MEGF10: variants seen among roughly 807,000 people sequenced by gnomAD.
MEGF10 encodes the protein multiple epidermal growth factor-like domains protein 10.
MEGF10 carries 86 observed loss-of-function variants against 147.5 expected under a neutral mutation model. That is an observed-to-expected ratio of 0.58 (90% CI 0.49 to 0.70). The LOEUF (loss-of-function observed/expected upper bound fraction) is 0.70, where lower values mean the gene tolerates loss of function less well. Among genes scored for constraint, MEGF10 ranks in the 30% least tolerant of loss-of-function variants. The pLI is 0.00. For synonymous variants in MEGF10, 478 were observed against 525.5 expected (o/e 0.91, Z 1.24); for missense variants, 1,329 against 1,487.3 (o/e 0.89, Z 1.75).
At chr5:127,243,759 G>A in the MEGF10 span, among the ~76,000 whole-genome samples, 1 of 152,134 alleles carries the variant, frequency 6.6e-6, no homozygotes, top group Admixed American at 6.6e-5. Flanking sequence ...TAGTAAATGA[G>A]GGGGTCACTA....
chr5:127,436,970 C>T (rs1286648773), intron 16 of MEGF10, among the ~76,000 whole-genome samples: 1 of 152,178 alleles, frequency 6.6e-6, no homozygotes, highest in Non-Finnish European at 1.5e-5. Flanking sequence ...TTTTAAAGCA[C>T]TATCTCTACG....
At chr5:127,307,124 T>G (rs764335515) in intron 1 of MEGF10, among the ~76,000 whole-genome samples, 1 of 151,856 alleles carries the variant, frequency 6.6e-6, no homozygotes, top group Non-Finnish European at 1.5e-5. Flanking sequence ...TCCCCTAGAG[T>G]TCTGTTAGAT....
intron 13 of MEGF10, among the ~76,000 whole-genome samples, 192 bp downstream of exon 13, chr5:127,422,964 G>C: frequency 6.6e-6 from 1 of 152,218 alleles, no homozygotes; most frequent in East Asian, 1.9e-4. Flanking sequence ...TGTAGGGGCA[G>C]TTCTCTTGAG....
intron 20 of MEGF10, among the ~76,000 whole-genome samples, chr5:127,447,245 G>C (rs569436305): frequency 1.3e-5 from 2 of 151,994 alleles, no homozygotes; most frequent in Admixed American, 6.6e-5. Context: ...GTGCGATCTC[G>C]GCTCACTGTA....
chr5:127,280,347 A>G, the MEGF10 span, among the ~76,000 whole-genome samples: 3 of 152,158 alleles, frequency 2.0e-5, no homozygotes, highest in African/African-American at 7.2e-5. Context: ...CAAATTCCAT[A>G]CAAGATGCAA....
rs768809701 is a variant in MEGF10, at chr5:127,449,115, T to G, written c.2873T>G (p.Leu958Arg). 27 of 1,614,044 alleles carry G rather than the reference T, an allele frequency of 1.7e-5. No homozygotes were observed. Among genetic ancestry groups the G allele is most frequent in the Non-Finnish European group, 2.1e-5 (25 of 1,180,014 alleles). The change falls in exon 22 of 25, where the codon CTG becomes CGG. Residue 958 changes from leucine (L) to arginine (R), a missense_variant. Physicochemically the swap from Leu to Arg is moderately radical, Grantham distance 102. Coordinates refer to ENST00000503335, the MANE Select transcript of MEGF10 (RefSeq NM_001256545.2). ...MTVTKSKNNQ[L>R]FVNLKNVNPG... is the part of the protein sequence containing the mutation. ...TTTTAACAGTCAAAAAACAATCAAC[T>G]GTTTGTGAATCTTAAAAATGTGAAC...
intron 1 of MEGF10, among the ~76,000 whole-genome samples, chr5:127,323,263 A>C (rs1442021023): frequency 6.6e-6 from 1 of 152,226 alleles, no homozygotes; most frequent in Non-Finnish European, 1.5e-5. Context: ...AGTGACCTAC[A>C]CACAGCACAT....
the MEGF10 span, among the ~76,000 whole-genome samples, chr5:127,246,112 C>G: frequency 6.6e-6 from 1 of 152,122 alleles, no homozygotes; most frequent in South Asian, 2.1e-4. Context: ...TGGGTATATA[C>G]TCAAAGGATT....
At chr5:127,299,498 T>G (rs1435735722) in intron 1 of MEGF10, among the ~76,000 whole-genome samples, 1 of 152,220 alleles carries the variant, frequency 6.6e-6, no homozygotes, top group African/African-American at 2.4e-5. Flanking sequence ...AAACTTCCTG[T>G]AAAAATCTAA....
chr5:127,258,641 G>T, the MEGF10 span, among the ~76,000 whole-genome samples: 6 of 152,170 alleles, frequency 3.9e-5, no homozygotes, highest in Non-Finnish European at 8.8e-5. Context: ...GGTACTGGAA[G>T]GTGGGGCCTC....
the MEGF10 span, among the ~76,000 whole-genome samples, chr5:127,247,434 G>A: frequency 1.9e-5 from 2 of 104,850 alleles, no homozygotes; most frequent in African/African-American, 4.6e-5. Context: ...AGAAGAAGAA[G>A]AAGAAGAAGA....
At chr5:127,263,197 T>C in the MEGF10 span, among the ~76,000 whole-genome samples, 1 of 151,848 alleles carries the variant, frequency 6.6e-6, no homozygotes, top group Non-Finnish European at 1.5e-5. Context: ...AGACTGAATA[T>C]TAGACAATAG....
At chr5:127,245,743 A>G in the MEGF10 span, among the ~76,000 whole-genome samples, 1 of 152,250 alleles carries the variant, frequency 6.6e-6, no homozygotes, top group Non-Finnish European at 1.5e-5. Flanking sequence ...ATCTATAGGG[A>G]ACTTAAACAA....
chr5:127,303,901 T>C (rs151330554), intron 1 of MEGF10, among the ~76,000 whole-genome samples: 2 of 152,360 alleles, frequency 1.3e-5, no homozygotes, highest in East Asian at 3.9e-4. Flanking sequence ...ATAGAGCTGT[T>C]ATGAAGTTTA....
At chr5:127,333,386 G>A (rs959767020) in intron 2 of MEGF10, among the ~76,000 whole-genome samples, 1 of 152,062 alleles carries the variant, frequency 6.6e-6, no homozygotes, top group Non-Finnish European at 1.5e-5. Context: ...GGTGGTGCAT[G>A]CCTGTAATCC....
intron 24 of MEGF10, among the ~76,000 whole-genome samples, chr5:127,456,759 C>G (rs1216069059): frequency 6.6e-6 from 1 of 152,164 alleles, no homozygotes; most frequent in African/African-American, 2.4e-5. Flanking sequence ...TGAGTGTTTT[C>G]ATGAACTGAA....
chr5:127,230,980 A>G, the MEGF10 span, among the ~76,000 whole-genome samples: 16 of 152,076 alleles, frequency 1.1e-4, no homozygotes, highest in Non-Finnish European at 2.1e-4. Flanking sequence ...TGTGTCAGTG[A>G]AGGGCACCCA....
intron 13 of MEGF10, 47 bp from the exon 14 acceptor site, chr5:127,433,311 GGAAAC>G: frequency 6.2e-7 from 1 of 1,612,498 alleles, no homozygotes; most frequent in Non-Finnish European, 8.5e-7. Context: ...TAGCATCTGC[GGAAAC>G]TCCGCACTGC....
chr5:127,338,780 G>A (rs1303994412), intron 2 of MEGF10, among the ~76,000 whole-genome samples: 1 of 152,016 alleles, frequency 6.6e-6, no homozygotes, highest in African/African-American at 2.4e-5. Flanking sequence ...AATGATCTTT[G>A]TTATGCTTTG....
Sources: allele counts gnomAD v4.1 joint callset (sites outside exome capture counted in the v4.1 genomes callset), GRCh38; gene constraint gnomAD v4.1.1; transcripts MANE v1.5; gene names NCBI Gene and HGNC (gene_info 2026-07-23, HGNC 2026-07-21).